XPO4: variants seen among roughly 807,000 people sequenced by gnomAD.
XPO4 encodes the protein exportin 4, also known as exportin-4.
In XPO4, 39 loss-of-function variants were observed where a neutral mutation model predicts 143.0. That is an observed-to-expected ratio of 0.27 (90% CI 0.21 to 0.36). The LOEUF is 0.36. Among genes scored for constraint, XPO4 ranks in the 10% least tolerant of loss-of-function variants. The probability of loss-of-function intolerance (pLI) is 1.00; values close to 1 mark genes in which losing one functional copy is unlikely to be tolerated. For missense variants in XPO4, 907 were observed against 1,348.0 expected (o/e 0.67, Z 5.12); for synonymous variants, 439 against 474.0 (o/e 0.93, Z 0.96).
rs182974824 is a variant in XPO4, at chr13:20,863,959, T to C, written c.176-1101A>G. Among the ~76,000 whole-genome samples, 505 of 152,280 alleles carry C rather than the reference T, an allele frequency of 3.3e-3. 3 individuals are homozygous for C. The highest frequency in any genetic ancestry group is 0.012 in the African/African-American group (485 of 41,556). On this transcript the variant is annotated intron_variant, in intron 2 of 22. Transcript: ENST00000255305. ...TGACACATTTAGCTATAAAAATGTATGAGAAAAGGTGTACCCTATATAAAT... is the reference window on the plus strand; with the variant it reads ...TGACACATTTAGCTATAAAAATGTACGAGAAAAGGTGTACCCTATATAAAT...
At chr13:20,877,079 G>A (rs9579961) in intron 1 of XPO4, among the ~76,000 whole-genome samples, 14,715 of 152,136 alleles carry the variant, frequency 0.097, 869 homozygotes, top group Non-Finnish European at 0.14. Flanking sequence ...CAATCCTTTA[G>A]CTAGACACAG....
intron 3 of XPO4, among the ~76,000 whole-genome samples, chr13:20,859,504 G>A (rs2060176885): frequency 6.6e-6 from 1 of 152,188 alleles, no homozygotes; most frequent in South Asian, 2.1e-4. Context: ...GGAGGCTGAG[G>A]CAGGAGAATG....
At chr13:20,790,990 A>G (rs1595055340) in intron 18 of XPO4, among the ~76,000 whole-genome samples, 1 of 152,334 alleles carries the variant, frequency 6.6e-6, no homozygotes, top group East Asian at 1.9e-4. Flanking sequence ...AGTGTGTATA[A>G]TATTTCTAAG....
intron 1 of XPO4, among the ~76,000 whole-genome samples, chr13:20,898,832 A>C (rs1340182622): frequency 1.3e-5 from 2 of 152,188 alleles, no homozygotes; most frequent in African/African-American, 4.8e-5. Context: ...CCTACATTTT[A>C]GTATACAAGA....
chr13:20,819,294 A>C (rs1171564341), intron 9 of XPO4, among the ~76,000 whole-genome samples: 1 of 152,218 alleles, frequency 6.6e-6, no homozygotes, highest in Non-Finnish European at 1.5e-5. Context: ...TCAAAAGTTC[A>C]TCATCTTTTC....
At chr13:20,854,480 A>G (rs2060122207) in intron 4 of XPO4, among the ~76,000 whole-genome samples, 1 of 152,228 alleles carries the variant, frequency 6.6e-6, no homozygotes, top group Admixed American at 6.5e-5. Flanking sequence ...CTGAAGACAA[A>G]AGGAATTAAC....
chr13:20,842,901 G>C lies in XPO4; in HGVS notation c.721C>G (p.Pro241Ala), dbSNP rs770214115. ...NQVLSWNFLP[P>A]NLGRHYIAMF... ...TCATTTGTTAAAAGGATATAATTTG[G>C]AGGAAGAAAGTTCCAGCTCAAGACT... Residue 241 changes from proline (P) to alanine (A), a missense_variant, in exon 6 of 23, where the codon CCA (proline) becomes GCA (alanine). Physicochemically the swap from Pro to Ala is conservative, Grantham distance 27 (BLOSUM62 -1). Coordinates refer to ENST00000255305, the MANE Select transcript of XPO4 (RefSeq NM_022459.5). 6.8e-6 allele frequency: 11 copies of C among 1,607,126 alleles called. No individual in the cohort carries two copies. Among genetic ancestry groups the C allele is most frequent in the Non-Finnish European group, 9.4e-6 (11 of 1,175,684 alleles).
intron 1 of XPO4, among the ~76,000 whole-genome samples, chr13:20,890,177 G>A (rs11839788): frequency 0.057 from 8,718 of 152,214 alleles, 633 homozygotes; most frequent in African/African-American, 0.17. Context: ...AGCTGGGCAC[G>A]GTGGCTTATG....
chr13:20,851,633 TG>T, intron 4 of XPO4: 1 of 544,222 alleles, frequency 1.8e-6, no homozygotes, highest in Non-Finnish European at 2.3e-6. Context: ...CACCTGAGCA[TG>T]GGGAGGTCAA....
At chr13:20,874,103 T>C (rs2138145054) in intron 1 of XPO4, among the ~76,000 whole-genome samples, 1 of 152,294 alleles carries the variant, frequency 6.6e-6, no homozygotes, top group Admixed American at 6.5e-5. Context: ...TGAACCTCCT[T>C]AAGTATTACT....
Position 20,780,159 on chromosome 13 carries a change from T to C in XPO4, c.*3563A>G, listed in dbSNP as rs2059125118. The C allele has an allele frequency of 1.3e-5, 2 of 152,108 alleles. No homozygotes were observed. The highest frequency in any genetic ancestry group is 2.9e-5 in the Non-Finnish European group (2 of 68,012). The allele number at this position is 152,108 out of a possible 1,614,324, so 9.4% of individuals were successfully genotyped here. On this transcript the variant is annotated 3_prime_UTR_variant, in exon 23 of 23. Transcript: ENST00000255305. ...AAACAAACCTTAAGAAGTACCGAGG[T>C]TCCTTCTGACTTAAAAGGTTAATGT...
intron 1 of XPO4, among the ~76,000 whole-genome samples, chr13:20,870,025 G>A (rs559330111): frequency 6.6e-5 from 10 of 150,454 alleles, no homozygotes; most frequent in South Asian, 2.1e-4. Flanking sequence ...GCTTGAACCC[G>A]GGAGGCAGAG....
intron 3 of XPO4, chr13:20,856,900 C>T (rs2060149412): frequency 6.1e-6 from 6 of 985,430 alleles, no homozygotes; most frequent in Non-Finnish European, 7.2e-6. Flanking sequence ...CCTCACATGA[C>T]AGGACATATC....
chr13:20,794,686 A>G (rs997623516), intron 18 of XPO4, among the ~76,000 whole-genome samples: 5 of 152,190 alleles, frequency 3.3e-5, no homozygotes, highest in East Asian at 1.9e-4. Flanking sequence ...AGCTGTGACC[A>G]TGCGACTGCA....
chr13:20,806,702 A>G (rs2059511906), intron 13 of XPO4, among the ~76,000 whole-genome samples: 1 of 151,354 alleles, frequency 6.6e-6, no homozygotes, highest in African/African-American at 2.4e-5. Flanking sequence ...ACAGGCGTAC[A>G]CCACCACATC....
At chr13:20,855,900 A>T in intron 3 of XPO4, 135 bp from the exon 4 acceptor site, 1 of 928,596 alleles carries the variant, frequency 1.1e-6, no homozygotes, top group Non-Finnish European at 1.5e-6. Context: ...GGTTATGTAC[A>T]GACTCCAAAG....
At chr13:20,794,223 T>G (rs1332038019) in intron 18 of XPO4, among the ~76,000 whole-genome samples, 2 of 152,084 alleles carry the variant, frequency 1.3e-5, no homozygotes, top group Non-Finnish European at 2.9e-5. Flanking sequence ...ATTCTGAAAA[T>G]AAGACAAATC....
rs536719619 is a variant in XPO4 at position 20,803,456 on chromosome 13, A to T, written c.1818-2466T>A. Among the ~76,000 whole-genome samples the T allele has an allele frequency of 6.6e-6, 1 of 152,300 alleles. No individual in the cohort carries two copies. The highest frequency in any genetic ancestry group is 2.1e-4 in the South Asian group (1 of 4,820). Reference sequence around the variant, plus strand: ...AGCCTGAGTCAGGCAGGTCCAGGGGAGGCACCCAGGGGCCTTTCTTCTACC... The same window carrying T: ...AGCCTGAGTCAGGCAGGTCCAGGGGTGGCACCCAGGGGCCTTTCTTCTACC... On this transcript the variant is annotated intron_variant, in intron 13 of 22. Coordinates refer to ENST00000255305, the MANE Select transcript of XPO4 (RefSeq NM_022459.5). The surrounding 1 kb of genome is among the most constrained non-coding windows in gnomAD (Gnocchi z 4.1).
chr13:20,800,004 G>C (rs1369374110), intron 15 of XPO4, 152 bp downstream of exon 15: 1 of 813,354 alleles, frequency 1.2e-6, no homozygotes, highest in Non-Finnish European at 1.8e-6. Context: ...CTGTGACATA[G>C]TTTTTAAAAC....
Sources: allele counts gnomAD v4.1 joint callset (sites outside exome capture counted in the v4.1 genomes callset), GRCh38; gene constraint gnomAD v4.1.1; non-coding constraint Gnocchi (gnomAD v3.1); transcripts MANE v1.5; gene names NCBI Gene and HGNC (gene_info 2026-07-23, HGNC 2026-07-21).